Variants in ZFR2 observed in about 807,000 individuals in gnomAD.
ZFR2 encodes the protein zinc finger RNA-binding protein 2.
ZFR2 carries 104 observed loss-of-function variants against 105.7 expected under a neutral mutation model. The observed-to-expected ratio is 0.98, with a 90% CI of 0.84 to 1.16. The LOEUF is 1.16. Among genes scored for constraint, ZFR2 ranks in the 50% most tolerant of loss-of-function variants. The pLI, the probability that ZFR2 is intolerant of heterozygous loss-of-function variation, is 0.00. For synonymous variants in ZFR2, 634 were observed against 597.7 expected, an observed-to-expected ratio of 1.06 and a Z score of -0.89; for missense variants, 1,425 against 1,355.5, an observed-to-expected ratio of 1.05 and a Z score of -0.80.
intron 8 of ZFR2, 132 bp from the exon 9 acceptor site, chr19:3,822,332 G>A: frequency 1.4e-6 from 2 of 1,400,692 alleles, no homozygotes; most frequent in Non-Finnish European, 1.9e-6. Flanking sequence ...TTTAGAGACA[G>A]CGTCTTGCTG....
chr19:3,861,346 G>T (rs2038371315), intron 1 of ZFR2, among the ~76,000 whole-genome samples: 2 of 152,344 alleles, frequency 1.3e-5, no homozygotes, highest in Middle Eastern at 3.4e-3. Context: ...TTAAAGTTGA[G>T]CAGAGCGCGG....
chr19:3,853,800 G>A (rs1364537226), intron 1 of ZFR2, among the ~76,000 whole-genome samples: 1 of 152,146 alleles, frequency 6.6e-6, no homozygotes, highest in Admixed American at 6.5e-5. Flanking sequence ...GGGTGTGGTG[G>A]CTCACACCTG....
At position 3,834,485 on chromosome 19, in the gene ZFR2, T is replaced by C. The variant is rs565220335; in HGVS notation, c.264+288A>G. Among the ~76,000 whole-genome samples the C allele has an allele frequency of 1.3e-5, 2 of 152,170 alleles. No homozygotes were observed. Among genetic ancestry groups the C allele is most frequent in the East Asian group, 3.9e-4 (2 of 5,158 alleles). ...CCCAGGCGACCCTCCTCCTCCTTCA[T>C]AGTCACTGCTGAAGCTGGGACAAAG... On this transcript the variant is annotated intron_variant, in intron 2 of 18. Transcript: ENST00000262961. This position sits in a 1 kb window ranked among gnomAD's most constrained non-coding sequence, Gnocchi z 5.3.
At chr19:3,819,903 T>C (rs1302341164) in intron 11 of ZFR2, among the ~76,000 whole-genome samples, 2 of 147,796 alleles carry the variant, frequency 1.4e-5, no homozygotes, top group Admixed American at 6.8e-5. Flanking sequence ...CGGGGACAGG[T>C]GCTTCTGAGA....
chr19:3,852,752 C>G lies in ZFR2; in HGVS notation c.53+16213G>C. ...AAAACACAGCTCCTGGGAAGAACAC[C>G]CCACAGCATGACTCATCCAGACACC... On this transcript the variant is annotated intron_variant, in intron 1 of 18. Coordinates refer to ENST00000262961, the MANE Select transcript of ZFR2 (RefSeq NM_015174.2). 4 of 624,638 alleles carry G rather than the reference C, an allele frequency of 6.4e-6. No homozygotes were observed. The South Asian group carries it at 7.7e-5, about 12-fold the overall frequency. 38.7% of individuals were successfully genotyped at this position (624,638 alleles called of 1,614,324 possible).
chr19:3,819,256 TG>T, intron 11 of ZFR2, 21 bp from the exon 12 acceptor site: 1 of 1,494,692 alleles, frequency 6.7e-7, no homozygotes, highest in Non-Finnish European at 8.8e-7. Flanking sequence ...AGGCCGCACG[TG>T]TCAAGGGTGG....
At chr19:3,853,150 C>T (rs1312504373) in intron 1 of ZFR2, among the ~76,000 whole-genome samples, 1 of 152,126 alleles carries the variant, frequency 6.6e-6, no homozygotes, top group Non-Finnish European at 1.5e-5. Flanking sequence ...AGGCTGGGGT[C>T]CCTGGGGCTG....
chr19:3,866,023 G>A (rs572738148), intron 1 of ZFR2, among the ~76,000 whole-genome samples: 1 of 152,130 alleles, frequency 6.6e-6, no homozygotes, highest in East Asian at 1.9e-4. Context: ...TGTATTTTTA[G>A]GAGAGACAGG....
intron 14 of ZFR2, 38 bp from the exon 15 acceptor site, chr19:3,811,404 G>A (rs749605244): frequency 2.1e-5 from 33 of 1,536,434 alleles, no homozygotes; most frequent in African/African-American, 2.8e-5. Flanking sequence ...CGGGGAAGGT[G>A]CCTCGTCCCG....
In ZFR2 at chr19:3,825,432, C is replaced by T. The variant is rs374325968; in HGVS notation, c.1036-25G>A. 41 of 1,547,382 alleles carry T rather than the reference C, an allele frequency of 2.6e-5. No homozygotes were observed. The African/African-American group carries it at 2.9e-4, about 11-fold the overall frequency. ...CCTGCAACAGACAGAGCCGGGCTCC[C>T]GCGTGAGGGCCGCTCCCAGCCTGAT... On this transcript the variant is annotated intron_variant, in intron 6 of 18. Transcript: ENST00000262961.
At chr19:3,850,489 C>T (rs2038226984) in intron 1 of ZFR2, among the ~76,000 whole-genome samples, 1 of 152,026 alleles carries the variant, frequency 6.6e-6, no homozygotes, top group African/African-American at 2.4e-5. Flanking sequence ...CCCTAACCCC[C>T]ATGTGACTGT....
At position 3,825,375 on chromosome 19, in the gene ZFR2, G is replaced by T. The variant is rs377281029; in HGVS notation, c.1068C>A (p.Pro356=). ...CCAGTGCAGGCTCGAGGGTGGGAATGGGCTTCCCCAGTTTGGCGTGCAGCT... is the reference window on the plus strand; with the variant it reads ...CCAGTGCAGGCTCGAGGGTGGGAATTGGCTTCCCCAGTTTGGCGTGCAGCT... ...VFKLHAKLGK[P]IPTLEPALAT... The change falls in exon 7 of 19, where the codon CCC becomes CCA. Residue 356 remains proline (P), a synonymous_variant. Transcript: ENST00000262961. 5.8e-5 allele frequency: 92 copies of T among 1,588,698 alleles called. No homozygotes were observed. The highest frequency in any genetic ancestry group is 7.4e-5 in the Non-Finnish European group (86 of 1,169,954).
Position 3,821,412 on chromosome 19 carries a change from T to A in ZFR2, c.1559A>T (p.Glu520Val), listed in dbSNP as rs749793987. Residue 520 changes from glutamate (E) to valine (V), a missense_variant, in exon 10 of 19, where the codon GAG (glutamate) becomes GTG (valine). Glu to Val is a moderately radical substitution (Grantham distance 121). Coordinates refer to ENST00000262961, the MANE Select transcript of ZFR2 (RefSeq NM_015174.2). ...PSSRARKVLE[E>V]RMRKQRHLAE... ...CAGGTGCCGCTGCTTCCTCATGCGCTCCTCCAGGACCTTCCGAGCCCGGCT... is the reference window on the plus strand; with the variant it reads ...CAGGTGCCGCTGCTTCCTCATGCGCACCTCCAGGACCTTCCGAGCCCGGCT... 11 of 1,611,656 alleles carry A rather than the reference T, an allele frequency of 6.8e-6. No homozygotes were observed. The highest frequency in any genetic ancestry group is 9.3e-6 in the Non-Finnish European group (11 of 1,179,346).
At chr19:3,839,536 CAAAAAAAAAAAAAAAAAAAAAA>C (rs60712587) in intron 1 of ZFR2, among the ~76,000 whole-genome samples, 54 of 36,642 alleles carry the variant, frequency 1.5e-3, no homozygotes, top group Admixed American at 1.9e-3. Flanking sequence ...GGGATTCTGT[CAAAAAAAAAAAAAAAAAAAAAA>C]AAAAAAAAAA....
intron 12 of ZFR2, 71 bp from the exon 13 acceptor site, chr19:3,816,916 G>C: frequency 7.2e-7 from 1 of 1,387,408 alleles, no homozygotes; most frequent in Non-Finnish European, 9.8e-7. Context: ...CCTCCCTCCT[G>C]AGCTACGGGG....
rs1444357038 is a variant in ZFR2 at position 3,813,741 on chromosome 19, C to G, written c.2242+79G>C. 6 of 1,575,336 alleles carry G rather than the reference C, an allele frequency of 3.8e-6. No homozygotes were observed. The East Asian group carries it at 1.3e-4, about 35-fold the overall frequency. ...TTCCTGCTCAGGGCAGAGGCGGACG[C>G]TGCCCCAGGCCTGGGTGTGGGGAGC... On this transcript the variant is annotated intron_variant, in intron 14 of 18. Coordinates refer to ENST00000262961, the MANE Select transcript of ZFR2 (RefSeq NM_015174.2). This position sits in a 1 kb window ranked among gnomAD's most constrained non-coding sequence, Gnocchi z 4.4.
chr19:3,835,585 G>T (rs554726198), intron 1 of ZFR2, among the ~76,000 whole-genome samples: 51 of 149,536 alleles, frequency 3.4e-4, no homozygotes, highest in African/African-American at 1.2e-3. Context: ...TGGCCGCCTC[G>T]GCCTCCCAAA....
intron 1 of ZFR2, among the ~76,000 whole-genome samples, chr19:3,868,580 C>T (rs921163480): frequency 6.6e-6 from 1 of 150,610 alleles, no homozygotes; most frequent in Non-Finnish European, 1.5e-5. Context: ...GGTCAGACCA[C>T]CCACCCCCCG....
chr19:3,822,080 C>T lies in ZFR2; in HGVS notation c.1491+1G>A, dbSNP rs1309384894. Reference sequence around the variant, plus strand: ...GTCGGAGCTCCCCCTGCTGGACGCACCCGGTACTGCAGCCGGTGCCGCCGC... The same window carrying T: ...GTCGGAGCTCCCCCTGCTGGACGCATCCGGTACTGCAGCCGGTGCCGCCGC... On this transcript the variant is annotated splice_donor_variant, in intron 9 of 18. Coordinates refer to ENST00000262961, the MANE Select transcript of ZFR2 (RefSeq NM_015174.2). LOFTEE classifies it high-confidence loss of function. 5 of 1,598,324 alleles carry T rather than the reference C, an allele frequency of 3.1e-6. No homozygotes were observed. The highest frequency in any genetic ancestry group is 1.7e-5 in the Admixed American group (1 of 58,004).
Sources: allele counts gnomAD v4.1 joint callset (sites outside exome capture counted in the v4.1 genomes callset), GRCh38; gene constraint gnomAD v4.1.1; non-coding constraint Gnocchi (gnomAD v3.1); transcripts MANE v1.5; gene names NCBI Gene and HGNC (gene_info 2026-07-23, HGNC 2026-07-21).